The following ERAP1 variants were observed in gnomAD, a reference collection of about 807,000 sequenced individuals.
ERAP1 encodes the protein endoplasmic reticulum aminopeptidase 1, also known as adipocyte-derived leucine aminopeptidase.
A neutral mutation model predicts 103.7 loss-of-function variants in ERAP1; 86 were observed. The ratio of observed to expected loss-of-function variants is 0.83; its 90% CI spans 0.70 to 0.99. ERAP1 has a LOEUF of 0.99. Among genes scored for constraint, ERAP1 ranks in the 50% least tolerant of loss-of-function variants. The pLI is 0.00. For synonymous variants in ERAP1, 398 were observed against 402.4 expected, an observed-to-expected ratio of 0.99 and a Z score of 0.13; for missense variants, 1,009 against 1,128.4, an observed-to-expected ratio of 0.89 and a Z score of 1.52.
the ERAP1 span, among the ~76,000 whole-genome samples, chr5:96,824,334 A>G: frequency 6.6e-6 from 1 of 152,114 alleles, no homozygotes; most frequent in Admixed American, 6.5e-5. Context: ...TGCCTCTGCT[A>G]CAGTTCTTGG....
the ERAP1 span, among the ~76,000 whole-genome samples, chr5:96,813,450 C>T: frequency 2.6e-5 from 4 of 152,058 alleles, no homozygotes; most frequent in East Asian, 5.8e-4. Flanking sequence ...GGCAGGAGAT[C>T]GAGACCGTCC....
At chr5:96,915,626 G>A in the ERAP1 span, 1 of 916,326 alleles carries the variant, frequency 1.1e-6, no homozygotes, top group Non-Finnish European at 1.6e-6. Context: ...TATAATACAT[G>A]ATATAATAAA....
chr5:96,781,072 G>A lies in ERAP1; in HGVS notation c.2574C>T (p.Asn858=), dbSNP rs1775101074. ...GCACCACTTACTTTTGTACAAGTTT[G>A]TTCCAGTTTTTCCTCAGAAATTGCC... The part of the protein sequence containing the change: ...LAWQFLRKNW[N]KLVQKFELGS... The change falls in exon 17 of 19, where the codon AAC becomes AAT. Residue 858 remains asparagine (N), a synonymous_variant. Transcript: ENST00000443439. 6.2e-7 allele frequency: 1 copy of A among 1,613,876 alleles called. No individual in the cohort carries two copies.
exon 20 of ERAP1, chr5:96,762,455 A>G (rs2150687306): frequency 1.1e-6 from 1 of 920,916 alleles, no homozygotes; most frequent in Non-Finnish European, 1.6e-6. Context: ...TTTAAAGCAA[A>G]TGAAAATAGG....
At chr5:96,790,150 G>T in intron 10 of ERAP1, 146 bp downstream of exon 10, 1 of 739,522 alleles carries the variant, frequency 1.4e-6, no homozygotes, top group Non-Finnish European at 2.3e-6. Context: ...AAAAGATTAT[G>T]AGTATGGAAT....
chr5:96,909,679 C>G, the ERAP1 span: 1 of 1,614,212 alleles, frequency 6.2e-7, no homozygotes, highest in Non-Finnish European at 8.5e-7. Flanking sequence ...TCTCTTGAAG[C>G]TGGCCTGTGA....
intron 18 of ERAP1, chr5:96,776,787 T>C (rs765914180): frequency 7.3e-6 from 4 of 545,056 alleles, no homozygotes; most frequent in Non-Finnish European, 1.3e-5. Flanking sequence ...TGCCAGACTT[T>C]AAAAGACTTC....
At chr5:96,838,270 A>T in the ERAP1 span, among the ~76,000 whole-genome samples, 7 of 152,176 alleles carry the variant, frequency 4.6e-5, no homozygotes, top group African/African-American at 1.7e-4. Flanking sequence ...AAGGCTGCCA[A>T]TGTGCAGGTC....
Position 96,792,012 on chromosome 5 carries a change from G to A in ERAP1, c.1320+49C>T, listed in dbSNP as rs759695964. On this transcript the variant is annotated intron_variant, in intron 8 of 18. Transcript: ENST00000443439. The stretch of plus-strand genomic sequence containing the variant: ...GCCTATAACTTCTCCACCCCAGTAT[G>A]TATAACTTTAGTATCTAAACTGTAT... The A allele has an allele frequency of 3.7e-6, 6 of 1,603,214 alleles. No individual in the cohort carries two copies. The East Asian group carries it at 1.1e-4, about 30-fold the overall frequency.
the ERAP1 span, among the ~76,000 whole-genome samples, chr5:96,905,799 G>A: frequency 1.3e-5 from 2 of 152,054 alleles, no homozygotes; most frequent in African/African-American, 2.4e-5. Flanking sequence ...CACATGAATC[G>A]CTTGAACCCA....
chr5:96,926,423 C>A, the ERAP1 span, among the ~76,000 whole-genome samples: 1 of 152,150 alleles, frequency 6.6e-6, no homozygotes, highest in African/African-American at 2.4e-5. Flanking sequence ...GTTTTCATCA[C>A]CCTAACAAAA....
At chr5:96,902,170 A>G in the ERAP1 span, 1 of 726,836 alleles carries the variant, frequency 1.4e-6, no homozygotes, top group Non-Finnish European at 2.4e-6. Context: ...AGTATGAAGG[A>G]TGATGGGTAC....
At chr5:96,912,188 C>CAAAA in the ERAP1 span, among the ~76,000 whole-genome samples, 3 of 84,200 alleles carry the variant, frequency 3.6e-5, no homozygotes, top group African/African-American at 4.7e-5. Context: ...GACTCCACCT[C>CAAAA]AAAAAAAAAA....
At chr5:96,903,653 G>A in the ERAP1 span, 1 of 1,165,084 alleles carries the variant, frequency 8.6e-7, no homozygotes, top group Non-Finnish European at 1.2e-6. Context: ...ATTGGTCATT[G>A]ATTTAATATG....
chr5:96,924,228 C>T, the ERAP1 span, among the ~76,000 whole-genome samples: 7 of 152,274 alleles, frequency 4.6e-5, no homozygotes, highest in African/African-American at 7.2e-5. Flanking sequence ...AAAAGTGAAG[C>T]GTTAGCTCCT....
intron 1 of ERAP1, chr5:96,806,107 T>A (rs1011120089): frequency 1.3e-5 from 2 of 152,220 alleles, no homozygotes; most frequent in African/African-American, 4.8e-5. Context: ...AATCCCAAAC[T>A]GTAGGCTACA....
At chr5:96,896,234 A>G in the ERAP1 span, 1 of 636,186 alleles carries the variant, frequency 1.6e-6, no homozygotes, top group East Asian at 3.0e-5. Flanking sequence ...AGGGGAATAC[A>G]TACAAGAAAA....
chr5:96,829,134 T>C, the ERAP1 span, among the ~76,000 whole-genome samples: 4 of 152,208 alleles, frequency 2.6e-5, no homozygotes, highest in Admixed American at 1.3e-4. Flanking sequence ...GCGTCAGCCA[T>C]CACGTCAGCC....
chr5:96,897,413 C>T, the ERAP1 span, among the ~76,000 whole-genome samples: 19 of 152,290 alleles, frequency 1.2e-4, no homozygotes, highest in Middle Eastern at 6.8e-3. Context: ...TGTTCCAGCC[C>T]TCATTCGTTT....
Sources: gnomAD v4.1 joint callset for allele counts (sites outside exome capture counted in the v4.1 genomes callset) on GRCh38, gnomAD v4.1.1 for gene constraint, MANE v1.5 for transcripts, NCBI Gene and HGNC (gene_info 2026-07-23, HGNC 2026-07-21) for gene names.